The following MYH7B variants were observed in gnomAD, a reference collection of about 807,000 sequenced individuals.
MYH7B encodes the protein myosin heavy chain 7B, also known as myosin-7B.
A neutral mutation model predicts 234.5 loss-of-function variants in MYH7B; 205 were observed. That is an observed-to-expected ratio of 0.87 (90% CI 0.78 to 0.98). MYH7B has a LOEUF of 0.98. Among genes scored for constraint, MYH7B ranks in the 50% least tolerant of loss-of-function variants. MYH7B has a pLI of 0.00. For missense variants in MYH7B, 2,652 were observed against 2,633.4 expected (o/e 1.01, Z -0.15); for synonymous variants, 1,193 against 1,105.0 (o/e 1.08, Z -1.58).
At chr20:34,999,283 A>T in exon 36 of MYH7B, 1 of 1,593,098 alleles carries the variant, frequency 6.3e-7, no homozygotes, top group South Asian at 1.1e-5. Context: ...ATGCAGCGGG[A>T]GCTGGAGGCG....
At chr20:34,978,481 A>G (rs2081891991) in intron 5 of MYH7B, among the ~76,000 whole-genome samples, 2 of 152,140 alleles carry the variant, frequency 1.3e-5, no homozygotes, top group African/African-American at 4.8e-5. Flanking sequence ...TGCAGAGCCA[A>G]AGCCACCCTT....
chr20:34,983,102 G>A (rs1367100022), intron 10 of MYH7B, among the ~76,000 whole-genome samples: 3 of 152,086 alleles, frequency 2.0e-5, no homozygotes, highest in Non-Finnish European at 2.9e-5. Flanking sequence ...CCTAGCCTTG[G>A]GGCCAGTTGT....
chr20:34,999,433 G>A (rs2082326417), intron 36 of MYH7B, 28 bp downstream of exon 36: 1 of 1,511,584 alleles, frequency 6.6e-7, no homozygotes, highest in Non-Finnish European at 8.8e-7. Context: ...CCAGGGCCAG[G>A]GTGCTGCCCT....
intron 2 of MYH7B, among the ~76,000 whole-genome samples, chr20:34,968,687 C>A (rs1387520335): frequency 6.6e-6 from 1 of 152,226 alleles, no homozygotes; most frequent in Non-Finnish European, 1.5e-5. Context: ...GGGGGTACAT[C>A]TTCTACCCCA....
intron 5 of MYH7B, 53 bp downstream of exon 5, chr20:34,978,149 C>G: frequency 6.2e-7 from 1 of 1,603,276 alleles, no homozygotes; most frequent in Non-Finnish European, 8.5e-7. Flanking sequence ...CCCTTATGGA[C>G]TCAGACCAGG....
At position 34,979,552 on chromosome 20, in the gene MYH7B, C is replaced by G. The variant is rs1238579800; in HGVS notation, c.198+56C>G. On this transcript the variant is annotated intron_variant, in intron 6 of 44. Coordinates refer to ENST00000262873, the Ensembl canonical transcript of MYH7B. ...CTCTGTCCCTAGGCCTCCTGGCCAACAGGATCTGCCCTCTGGTTGAAGGGG... is the reference window on the plus strand; with the variant it reads ...CTCTGTCCCTAGGCCTCCTGGCCAAGAGGATCTGCCCTCTGGTTGAAGGGG... 3.1e-6 allele frequency: 5 copies of G among 1,596,194 alleles called. No homozygotes were observed. The African/African-American group carries it at 6.7e-5, about 21-fold the overall frequency.
exon 31 of MYH7B, chr20:34,997,141 G>A: frequency 6.5e-7 from 1 of 1,549,526 alleles, no homozygotes; most frequent in Non-Finnish European, 8.7e-7. Context: ...GCTCTTGGGG[G>A]CCCAGATGCA....
At chr20:34,960,382 C>A (rs952119471) in intron 2 of MYH7B, among the ~76,000 whole-genome samples, 2 of 152,126 alleles carry the variant, frequency 1.3e-5, no homozygotes, top group Admixed American at 6.5e-5. Flanking sequence ...ACTACAGGCG[C>A]CTGCCACCAC....
chr20:34,995,700 G>A (rs761395690), intron 28 of MYH7B, 122 bp downstream of exon 28: 5 of 1,423,690 alleles, frequency 3.5e-6, no homozygotes, highest in Non-Finnish European at 4.7e-6. Context: ...GCATGTCACT[G>A]CCTTTCCTGG....
At chr20:34,971,161 T>C (rs1224784503) in intron 2 of MYH7B, among the ~76,000 whole-genome samples, 1 of 152,194 alleles carries the variant, frequency 6.6e-6, no homozygotes. Context: ...TGGTCATGGC[T>C]TGAATTCACT....
chr20:34,959,293 C>T (rs1600401083), intron 2 of MYH7B, among the ~76,000 whole-genome samples: 1 of 152,114 alleles, frequency 6.6e-6, no homozygotes, highest in East Asian at 1.9e-4. Flanking sequence ...TTTGCTGGAT[C>T]CTCACTCCCT....
At chr20:34,960,270 T>C (rs1203160977) in intron 2 of MYH7B, among the ~76,000 whole-genome samples, 3 of 152,054 alleles carry the variant, frequency 2.0e-5, no homozygotes, top group East Asian at 1.9e-4. Context: ...GAGTCTTGCT[T>C]TGTAGCCCAG....
At chr20:34,995,470 C>T in exon 28 of MYH7B, 1 of 1,614,026 alleles carries the variant, frequency 6.2e-7, no homozygotes, top group Middle Eastern at 1.6e-4. Context: ...ACCTGGCCGC[C>T]CGCCGGCGCA....
intron 9 of MYH7B, chr20:34,981,401 C>T (rs1003227838): frequency 9.5e-6 from 3 of 314,930 alleles, no homozygotes; most frequent in African/African-American, 6.7e-5. Context: ...TGCTTTTCCT[C>T]CTTTTTACCA....
chr20:34,980,077 T>C (rs1401380446), intron 7 of MYH7B: 4 of 501,550 alleles, frequency 8.0e-6, no homozygotes, highest in Non-Finnish European at 1.5e-5. Context: ...CTGCGGACTA[T>C]GGAGGCCGTG....
At chr20:34,991,216 C>A in intron 24 of MYH7B, 95 bp downstream of exon 24, 1 of 878,072 alleles carries the variant, frequency 1.1e-6, no homozygotes, top group Non-Finnish European at 1.7e-6. Context: ...GGTCCCCTGT[C>A]TGGAGGGGGA....
chr20:34,979,708 C>T, exon 7 of MYH7B: 1 of 1,614,210 alleles, frequency 6.2e-7, no homozygotes, highest in Non-Finnish European at 8.5e-7. Context: ...ACCCGCCTCG[C>T]TTCGACTTAC....
At chr20:34,997,161 C>G in exon 31 of MYH7B, 1 of 1,549,824 alleles carries the variant, frequency 6.5e-7, no homozygotes, top group Admixed American at 2.0e-5. Context: ...AGAAGAAGAT[C>G]AAGGAGCTGC....
At chr20:34,998,883 C>T (rs2082313162) in exon 35 of MYH7B, 1 of 1,613,062 alleles carries the variant, frequency 6.2e-7, no homozygotes, top group Non-Finnish European at 8.5e-7. Context: ...AAGCAGATGC[C>T]ATCCAGAGGA....
Sources: allele counts gnomAD v4.1 joint callset (sites outside exome capture counted in the v4.1 genomes callset), GRCh38; gene constraint gnomAD v4.1.1; transcripts MANE v1.5; gene names NCBI Gene and HGNC (gene_info 2026-07-23, HGNC 2026-07-21).